The following EYS variants were observed in gnomAD, a reference collection of about 807,000 sequenced individuals.
EYS encodes EGF-like photoreceptor maintenance factor.
A neutral mutation model predicts 282.1 loss-of-function variants in EYS; 250 were observed. That is an observed-to-expected ratio of 0.89 (90% confidence interval 0.80 to 0.98). EYS has a LOEUF of 0.98. EYS is among the 50% of genes least tolerant of loss of function. EYS has a pLI of 0.00. For missense variants in EYS, 4,016 were observed against 3,709.0 expected, an observed-to-expected ratio of 1.08 and a Z score of -2.15; for synonymous variants, 1,355 against 1,282.9, an observed-to-expected ratio of 1.06 and a Z score of -1.20.
intron 19 of EYS, among the ~76,000 whole-genome samples, chr6:64,843,118 T>C (rs1363303358): frequency 6.6e-6 from 1 of 152,052 alleles, no homozygotes; most frequent in Non-Finnish European, 1.5e-5. Context: ...TGGTACCCTC[T>C]GTTCCATCTG....
intron 25 of EYS, among the ~76,000 whole-genome samples, chr6:64,592,304 CTT>C (rs1020160342): frequency 2.0e-5 from 3 of 152,098 alleles, no homozygotes; most frequent in Non-Finnish European, 4.4e-5. Flanking sequence ...AATTACAACT[CTT>C]TGTCATTGAC....
intron 12 of EYS, among the ~76,000 whole-genome samples, chr6:65,273,726 G>A (rs189661323): frequency 2.0e-5 from 3 of 152,268 alleles, no homozygotes; most frequent in Admixed American, 6.5e-5. Flanking sequence ...TATGCTATAC[G>A]TTACGTGACA....
chr6:63,745,905 A>G lies in EYS; in HGVS notation c.8071+16556T>C, dbSNP rs534991243. Among the ~76,000 whole-genome samples the G allele has an allele frequency of 2.6e-5, 4 of 152,278 alleles. No homozygotes were observed. The South Asian group carries it at 6.2e-4, about 24-fold the overall frequency. ...TAGTATCCTTATAAGAAGAAACACC[A>G]CAGAGCATGCTCTCTCTCTGTGTGT... On this transcript the variant is annotated intron_variant, in intron 41 of 42. Coordinates refer to ENST00000503581, the MANE Select transcript of EYS (RefSeq NM_001142800.2).
chr6:64,513,011 G>GA (rs571144259), intron 26 of EYS, among the ~76,000 whole-genome samples: 32 of 143,832 alleles, frequency 2.2e-4, no homozygotes, highest in African/African-American at 3.8e-4. Flanking sequence ...TTACTTAAAG[G>GA]AAAAAAAAAA....
chr6:64,655,968 T>C (rs1265231920), intron 22 of EYS, among the ~76,000 whole-genome samples: 3 of 152,136 alleles, frequency 2.0e-5, no homozygotes, highest in Non-Finnish European at 4.4e-5. Context: ...AAAAAATACA[T>C]GTGATGGAAA....
chr6:64,332,281 A>C (rs1288290452), intron 29 of EYS, among the ~76,000 whole-genome samples: 2 of 152,218 alleles, frequency 1.3e-5, no homozygotes, highest in African/African-American at 4.8e-5. Flanking sequence ...CATAATTCAG[A>C]TAAAAGGGGA....
chr6:63,870,646 T>C (rs1054422729), intron 35 of EYS, among the ~76,000 whole-genome samples: 3 of 152,194 alleles, frequency 2.0e-5, no homozygotes, highest in Admixed American at 6.5e-5. Context: ...CTTCTAAATA[T>C]GTTGATTTGG....
At chr6:64,415,930 A>G (rs969239000) in intron 28 of EYS, among the ~76,000 whole-genome samples, 1 of 152,216 alleles carries the variant, frequency 6.6e-6, no homozygotes, top group Non-Finnish European at 1.5e-5. Context: ...TCTAAGCTTT[A>G]TAGAAACTAT....
intron 22 of EYS, among the ~76,000 whole-genome samples, chr6:64,738,917 C>G (rs1284109315): frequency 2.0e-5 from 3 of 152,156 alleles, no homozygotes; most frequent in Admixed American, 2.0e-4. Flanking sequence ...GCCACCACAT[C>G]CCGCTAATTT....
chr6:65,456,955 T>A (rs1313723292), intron 5 of EYS, among the ~76,000 whole-genome samples: 1 of 152,108 alleles, frequency 6.6e-6, no homozygotes, highest in Non-Finnish European at 1.5e-5. Flanking sequence ...TAGTGCTACT[T>A]ACCATTATCT....
intron 13 of EYS, among the ~76,000 whole-genome samples, chr6:65,002,438 T>C (rs1771495829): frequency 6.8e-6 from 1 of 147,644 alleles, no homozygotes; most frequent in Non-Finnish European, 1.5e-5. Flanking sequence ...ATTAACGTGA[T>C]ATTAGTATCT....
chr6:65,359,962 A>G (rs1764637199), intron 8 of EYS, among the ~76,000 whole-genome samples: 1 of 151,982 alleles, frequency 6.6e-6, no homozygotes, highest in African/African-American at 2.4e-5. Context: ...TCTAAGACAT[A>G]AAACCTTTAT....
chr6:64,346,763 A>T (rs1771418360), intron 29 of EYS, among the ~76,000 whole-genome samples: 1 of 151,514 alleles, frequency 6.6e-6, no homozygotes, highest in Non-Finnish European at 1.5e-5. Flanking sequence ...TGTGGGTAGT[A>T]ATGATGCAGT....
chr6:65,442,815 T>C (rs1482260162), intron 5 of EYS, among the ~76,000 whole-genome samples: 2 of 123,648 alleles, frequency 1.6e-5, no homozygotes, highest in Non-Finnish European at 3.8e-5. Context: ...CACATGCATA[T>C]GTGTATATGT....
At chr6:65,574,410 A>G (rs1234041957) in intron 2 of EYS, among the ~76,000 whole-genome samples, 2 of 152,218 alleles carry the variant, frequency 1.3e-5, no homozygotes, top group Non-Finnish European at 2.9e-5. Flanking sequence ...ATGTATGTAC[A>G]CTGAGAGTGA....
chr6:65,371,706 T>C lies in EYS; in HGVS notation c.1299+12680A>G, dbSNP rs62407663. ...GCCTTCAAATTCCTCTCTCTCTCTCTCCCTCTCTCTCTCTCTCTCTCTCTC... is the reference window on the plus strand; with the variant it reads ...GCCTTCAAATTCCTCTCTCTCTCTCCCCCTCTCTCTCTCTCTCTCTCTCTC... On this transcript the variant is annotated intron_variant, in intron 8 of 42. Coordinates refer to ENST00000503581, the MANE Select transcript of EYS (RefSeq NM_001142800.2). Among the ~76,000 whole-genome samples the C allele has an allele frequency of 3.5e-3, 349 of 99,040 alleles. 3 individuals are homozygous for C. Among genetic ancestry groups the C allele is most frequent in the African/African-American group, 0.013 (338 of 25,654 alleles). The allele number at this position is 99,040 out of a possible 152,430, so 65.0% of individuals were successfully genotyped here.
At chr6:65,501,154 T>C (rs1433079726) in intron 2 of EYS, among the ~76,000 whole-genome samples, 1 of 147,298 alleles carries the variant, frequency 6.8e-6, no homozygotes, top group East Asian at 1.9e-4. Context: ...TGAAATCGGT[T>C]TTCTGTAAGT....
chr6:64,045,509 G>A (rs1449785451), intron 33 of EYS, among the ~76,000 whole-genome samples: 1 of 150,980 alleles, frequency 6.6e-6, no homozygotes, highest in Non-Finnish European at 1.5e-5. Flanking sequence ...ACAATGGCAT[G>A]ATCTTGGCTC....
Position 65,088,145 on chromosome 6 carries a change from C to T in EYS, c.2024-30418G>A, listed in dbSNP as rs956237182. The stretch of plus-strand genomic sequence containing the variant: ...TTAAACTTCTTTCCTTTGTAAATTA[C>T]CCAGTCTCAAGTATTTCTTCACAGC... On this transcript the variant is annotated intron_variant, in intron 12 of 42. Coordinates refer to ENST00000503581, the MANE Select transcript of EYS (RefSeq NM_001142800.2). Among the ~76,000 whole-genome samples the T allele has an allele frequency of 3.3e-5, 5 of 152,080 alleles. No homozygotes were observed. The East Asian group carries it at 9.7e-4, about 29-fold the overall frequency.
Sources: gnomAD v4.1 joint callset for allele counts (sites outside exome capture counted in the v4.1 genomes callset) on GRCh38, gnomAD v4.1.1 for gene constraint, MANE v1.5 for transcripts, NCBI Gene and HGNC (gene_info 2026-07-23, HGNC 2026-07-21) for gene names.